TRIM64B: variants seen among roughly 807,000 people sequenced by gnomAD.
The protein encoded by TRIM64B is tripartite motif-containing protein 64B.
For synonymous variants in TRIM64B, 17 were observed against 190.3 expected (o/e 0.09, Z 7.50); for missense variants, 57 against 536.4 (o/e 0.11, Z 8.83).
chr11:89,875,009 T>A (rs1294894684), exon 2 of TRIM64B: 4 of 1,551,090 alleles, frequency 2.6e-6, no homozygotes, highest in Non-Finnish European at 3.5e-6. Context: ...AGTTTCCTGA[T>A]TTAGATTGTT....
chr11:89,872,430 T>A (rs1170870318), intron 4 of TRIM64B, 118 bp from the exon 6 acceptor site: 4 of 1,515,960 alleles, frequency 2.6e-6, no homozygotes, highest in Middle Eastern at 1.7e-4. Context: ...TTTGGTTAAC[T>A]GGGTGTACAT....
chr11:89,876,823 C>T (rs140420459), upstream of TRIM64B, among the ~76,000 whole-genome samples: 60 of 149,210 alleles, frequency 4.0e-4, no homozygotes, highest in Non-Finnish European at 5.1e-4. Context: ...ATGAAACTTA[C>T]GAATATGAAC....
At chr11:89,873,784 G>A (rs1950135420) in intron 3 of TRIM64B, among the ~76,000 whole-genome samples, 3 of 111,716 alleles carry the variant, frequency 2.7e-5, no homozygotes, top group Middle Eastern at 3.6e-3. Flanking sequence ...GAGTTCTAAC[G>A]ATTTTAGATG....
upstream of TRIM64B, among the ~76,000 whole-genome samples, chr11:89,877,447 A>T (rs1452202757): frequency 7.0e-6 from 1 of 142,164 alleles, no homozygotes; most frequent in East Asian, 2.1e-4. Context: ...GAAGATATGT[A>T]TTAGGTTTTC....
exon 2 of TRIM64B, chr11:89,875,039 T>C (rs1316098470): frequency 6.4e-7 from 1 of 1,550,850 alleles, no homozygotes; most frequent in African/African-American, 1.4e-5. Flanking sequence ...TTGATTGATT[T>C]CCCATAAATA....
upstream of TRIM64B, among the ~76,000 whole-genome samples, chr11:89,876,845 G>A (rs1283692357): frequency 1.3e-5 from 2 of 149,244 alleles, no homozygotes; most frequent in African/African-American, 4.9e-5. Context: ...ACGAACAACC[G>A]TGATGCAAAT....
chr11:89,874,195 G>T (rs1950141480), exon 3 of TRIM64B: 1 of 1,535,388 alleles, frequency 6.5e-7, no homozygotes, highest in Admixed American at 2.0e-5. Context: ...AGTGCCTGCA[G>T]ATGCCGTTGC....
intron 5 of TRIM64B, among the ~76,000 whole-genome samples, 183 bp from the exon 7 acceptor site, chr11:89,871,297 A>G (rs549756428): frequency 2.0e-5 from 3 of 152,354 alleles, no homozygotes; most frequent in East Asian, 3.9e-4. Context: ...ACAATTATGT[A>G]TTATTCCTTA....
exon 2 of TRIM64B, chr11:89,875,044 T>A (rs1950149244): frequency 6.5e-7 from 1 of 1,541,114 alleles, no homozygotes; most frequent in African/African-American, 1.4e-5. Flanking sequence ...TGATTTCCCA[T>A]AAATAGTCCA....
At chr11:89,878,265 A>T (rs1200271311), upstream of TRIM64B, among the ~76,000 whole-genome samples, 1 of 131,774 alleles carries the variant, frequency 7.6e-6, no homozygotes, top group Non-Finnish European at 1.6e-5. Context: ...TCACTAAGAC[A>T]GTCATTTGTT....
upstream of TRIM64B, among the ~76,000 whole-genome samples, chr11:89,876,904 G>A (rs1234172889): frequency 7.4e-5 from 11 of 149,136 alleles, no homozygotes; most frequent in African/African-American, 2.2e-4. Flanking sequence ...AACAAGCCGT[G>A]CTCTCAGTCA....
upstream of TRIM64B, among the ~76,000 whole-genome samples, chr11:89,876,302 G>T (rs1023759030): frequency 1.9e-4 from 27 of 144,466 alleles, 1 homozygote; most frequent in African/African-American, 6.4e-4. Flanking sequence ...GTGTGAATTT[G>T]TATGTAACCT....
intron 1 of TRIM64B, among the ~76,000 whole-genome samples, chr11:89,875,406 C>T (rs1184424626): frequency 6.6e-6 from 1 of 152,306 alleles, no homozygotes; most frequent in East Asian, 1.9e-4. Flanking sequence ...CTAAGGAGAC[C>T]TCCTTTAGTG....
In TRIM64B at chr11:89,875,766, G is replaced by A. The variant is rs1291789061; in HGVS notation, c.252C>T (p.Asn84=). ...CACAGATATTGTCTGAGCTGTTGATGTTCTGAGGTCTGGTCTGTCTGGCTA... is the reference window on the plus strand; with the variant it reads ...CACAGATATTGTCTGAGCTGTTGATATTCTGAGGTCTGGTCTGTCTGGCTA... Residue 84 remains asparagine (N), a synonymous_variant, in exon 1 of 6, where the codon AAC becomes AAT. Coordinates refer to ENST00000329862, the Ensembl canonical transcript of TRIM64B. 47 of 1,546,174 alleles carry A rather than the reference G, an allele frequency of 3.0e-5. 2 individuals carry two copies. The African/African-American group carries it at 5.9e-4, about 19-fold the overall frequency.
exon 6 of TRIM64B, chr11:89,870,590 GGT>G (rs1230066122): frequency 1.3e-6 from 2 of 1,541,934 alleles, no homozygotes; most frequent in Non-Finnish European, 1.8e-6. Context: ...ATATGTGGGA[GGT>G]CACAATAAAT....
At chr11:89,877,709 T>C (rs1295697214), upstream of TRIM64B, among the ~76,000 whole-genome samples, 1 of 148,876 alleles carries the variant, frequency 6.7e-6, no homozygotes, top group Non-Finnish European at 1.5e-5. Flanking sequence ...AAGCTCCACC[T>C]CCCAGGTTCA....
chr11:89,875,835 C>T, exon 1 of TRIM64B: 1 of 1,550,194 alleles, frequency 6.5e-7, no homozygotes. Flanking sequence ...TGAAGTTGGG[C>T]TTCTCTGAGG....
upstream of TRIM64B, among the ~76,000 whole-genome samples, chr11:89,877,946 C>G (rs1193043197): frequency 6.7e-6 from 1 of 148,654 alleles, no homozygotes; most frequent in Non-Finnish European, 1.5e-5. Context: ...CAACAGCTTT[C>G]AGATCTAGTC....
At chr11:89,877,735 G>A (rs1469234586), upstream of TRIM64B, among the ~76,000 whole-genome samples, 7 of 149,228 alleles carry the variant, frequency 4.7e-5, no homozygotes, top group African/African-American at 7.3e-5. Context: ...TTCTCCTGCC[G>A]CAGCCTCCTG....
Sources: allele counts gnomAD v4.1 joint callset (sites outside exome capture counted in the v4.1 genomes callset), GRCh38; gene constraint gnomAD v4.1.1; transcripts MANE v1.5; gene names NCBI Gene and HGNC (gene_info 2026-07-23, HGNC 2026-07-21).